Variants in PTPRD observed in about 807,000 individuals in gnomAD.
PTPRD encodes protein tyrosine phosphatase receptor type D.
Under a neutral mutation model 214.5 loss-of-function variants are expected in PTPRD, and 34 were observed. The ratio of observed to expected loss-of-function variants is 0.16; its 90% CI spans 0.12 to 0.21. The LOEUF is 0.21. Ranked by LOEUF, PTPRD falls within the 10% of genes least tolerant of loss-of-function variation. The pLI, the probability that PTPRD is intolerant of heterozygous loss-of-function variation, is 1.00. For missense variants in PTPRD, 2,545 were observed against 2,398.7 expected (o/e 1.06, Z -1.27); for synonymous variants, 1,128 against 845.7 (o/e 1.33, Z -5.79).
At chr9:8,722,337 G>A (rs1198408692) in intron 12 of PTPRD, among the ~76,000 whole-genome samples, 4 of 152,030 alleles carry the variant, frequency 2.6e-5, no homozygotes, top group Non-Finnish European at 5.9e-5. Flanking sequence ...CTCCTGGTAG[G>A]CAAGGGAGCC....
At chr9:10,367,090 A>T (rs1459871488) in intron 2 of PTPRD, among the ~76,000 whole-genome samples, 1 of 151,968 alleles carries the variant, frequency 6.6e-6, no homozygotes, top group Non-Finnish European at 1.5e-5. Context: ...AAAAAAAAAA[A>T]AAAAGGACCT....
At chr9:8,714,496 G>C (rs2098408640) in intron 12 of PTPRD, among the ~76,000 whole-genome samples, 1 of 152,132 alleles carries the variant, frequency 6.6e-6, no homozygotes, top group Non-Finnish European at 1.5e-5. Context: ...CCTCCAGATA[G>C]CTTGGTGCGC....
intron 10 of PTPRD, among the ~76,000 whole-genome samples, chr9:9,131,202 T>C (rs1362779902): frequency 6.6e-6 from 1 of 152,206 alleles, no homozygotes; most frequent in African/African-American, 2.4e-5. Context: ...TTGCATTGTC[T>C]CTGCTCTACT....
At chr9:8,400,877 T>C (rs10977047) in intron 36 of PTPRD, among the ~76,000 whole-genome samples, 16,994 of 152,142 alleles carry the variant, frequency 0.11, 1,970 homozygotes, top group East Asian at 0.51. Context: ...GGAAACTACA[T>C]AGAGATAACT....
At chr9:9,829,667 A>G (rs1358351131) in intron 5 of PTPRD, among the ~76,000 whole-genome samples, 1 of 151,898 alleles carries the variant, frequency 6.6e-6, no homozygotes, top group Non-Finnish European at 1.5e-5. Context: ...ACATTAAATG[A>G]GGCTCAATTT....
At chr9:9,236,735 G>T (rs117740983) in intron 9 of PTPRD, among the ~76,000 whole-genome samples, 1 of 151,602 alleles carries the variant, frequency 6.6e-6, no homozygotes, top group African/African-American at 2.4e-5. Flanking sequence ...CCGTCTATTG[G>T]GGCATTTTGA....
chr9:8,718,743 G>A (rs1012580456), intron 12 of PTPRD, among the ~76,000 whole-genome samples: 1 of 152,134 alleles, frequency 6.6e-6, no homozygotes, highest in African/African-American at 2.4e-5. Context: ...TTACTGCCAG[G>A]ACAAGCTGAC....
Position 10,466,201 on chromosome 9 carries a change from A to G in PTPRD, c.-599-125184T>C, listed in dbSNP as rs140821025. ...ATGATTTCTCTGTTTTATTCATACA[A>G]TGAGAAAACTGATGCTCAGGAAGCC... On this transcript the variant is annotated intron_variant, in intron 2 of 45. Coordinates refer to ENST00000381196, the MANE Select transcript of PTPRD (RefSeq NM_002839.4). 3.0e-3 allele frequency among the ~76,000 whole-genome samples: 464 copies of G among 152,316 alleles called. 1 individual carries two copies. The highest frequency in any genetic ancestry group is 6.8e-3 in the Middle Eastern group (2 of 292).
chr9:9,275,110 A>AT (rs1569566677), intron 9 of PTPRD, among the ~76,000 whole-genome samples: 41 of 63,752 alleles, frequency 6.4e-4, no homozygotes, highest in African/African-American at 1.8e-3. Context: ...ATAATATATT[A>AT]TATATATATT....
intron 26 of PTPRD, among the ~76,000 whole-genome samples, chr9:8,493,536 T>C (rs1216534524): frequency 3.3e-5 from 5 of 152,202 alleles, no homozygotes; most frequent in Admixed American, 3.3e-4. Flanking sequence ...CAAATGGTTG[T>C]TGTTGGACCT....
At chr9:8,565,316 G>C (rs759675987) in intron 14 of PTPRD, among the ~76,000 whole-genome samples, 7 of 152,068 alleles carry the variant, frequency 4.6e-5, no homozygotes, top group Admixed American at 4.6e-4. Flanking sequence ...TTTTTCCCTA[G>C]AATAGTAATT....
chr9:10,028,985 T>C (rs1470420236), intron 4 of PTPRD, among the ~76,000 whole-genome samples: 1 of 152,112 alleles, frequency 6.6e-6, no homozygotes, highest in Non-Finnish European at 1.5e-5. Flanking sequence ...CCCTGGGCTG[T>C]GTGCCGCCTA....
chr9:10,030,778 T>C (rs1213758431), intron 4 of PTPRD, among the ~76,000 whole-genome samples: 4 of 152,204 alleles, frequency 2.6e-5, no homozygotes, highest in Admixed American at 1.3e-4. Context: ...TTAGTGAAGA[T>C]ACAAACCAGG....
intron 2 of PTPRD, among the ~76,000 whole-genome samples, chr9:10,547,323 T>C (rs2130915466): frequency 6.6e-6 from 1 of 152,200 alleles, no homozygotes; most frequent in East Asian, 1.9e-4. Context: ...TTTTTTTTCT[T>C]TTAAGTCACT....
At chr9:9,480,709 G>A (rs1264567801) in intron 8 of PTPRD, among the ~76,000 whole-genome samples, 1 of 151,900 alleles carries the variant, frequency 6.6e-6, no homozygotes, top group East Asian at 1.9e-4. Flanking sequence ...AAGTGCTGTG[G>A]CCACAGAAAA....
At chr9:9,172,998 G>C (rs1301347237) in intron 10 of PTPRD, among the ~76,000 whole-genome samples, 1 of 152,096 alleles carries the variant, frequency 6.6e-6, no homozygotes. Flanking sequence ...GAAAGCCAAA[G>C]TTCTTACCAG....
intron 9 of PTPRD, among the ~76,000 whole-genome samples, chr9:9,330,048 G>A (rs558676651): frequency 6.6e-6 from 1 of 152,092 alleles, no homozygotes; most frequent in East Asian, 1.9e-4. Context: ...TAGGATGGCG[G>A]ATTGGGTTTA....
chr9:8,812,936 T>G (rs1268336374), intron 11 of PTPRD, among the ~76,000 whole-genome samples: 1 of 151,988 alleles, frequency 6.6e-6, no homozygotes, highest in South Asian at 2.1e-4. Flanking sequence ...ACTAGCCCAG[T>G]AGATCAAGGG....
chr9:8,528,324 T>TA (rs2074755251), intron 15 of PTPRD: 1 of 484,488 alleles, frequency 2.1e-6, no homozygotes, highest in Non-Finnish European at 3.6e-6. Context: ...AGCAGTAAAT[T>TA]AAAAAATTAC....
Sources: gnomAD v4.1 joint callset for allele counts (sites outside exome capture counted in the v4.1 genomes callset) on GRCh38, gnomAD v4.1.1 for gene constraint, MANE v1.5 for transcripts, NCBI Gene and HGNC (gene_info 2026-07-23, HGNC 2026-07-21) for gene names.